PDE11A: variants seen among roughly 807,000 people sequenced by gnomAD.
PDE11A encodes dual 3',5'-cyclic-AMP and -GMP phosphodiesterase 11A.
A neutral mutation model predicts 100.5 loss-of-function variants in PDE11A; 100 were observed. The ratio of observed to expected loss-of-function variants is 1.00; its 90% CI spans 0.85 to 1.18. The LOEUF (loss-of-function observed/expected upper bound fraction) is 1.18. PDE11A is among the 50% of genes most tolerant of loss of function. The pLI is 0.00. For missense variants in PDE11A, 1,141 were observed against 1,152.6 expected (o/e 0.99, Z 0.15); for synonymous variants, 381 against 420.8 (o/e 0.91, Z 1.16).
intron 12 of PDE11A, among the ~76,000 whole-genome samples, chr2:177,725,945 G>A (rs924961753): frequency 6.6e-6 from 1 of 151,984 alleles, no homozygotes; most frequent in African/African-American, 2.4e-5. Context: ...TTGGCAATTC[G>A]CATAAATCCA....
At chr2:177,946,344 C>A (rs2085429469) in intron 2 of PDE11A, among the ~76,000 whole-genome samples, 2 of 138,624 alleles carry the variant, frequency 1.4e-5, no homozygotes, top group Admixed American at 6.9e-5. Flanking sequence ...GGTCAGCCCC[C>A]CTGCCCGGCC....
At position 177,680,839 on chromosome 2, in the gene PDE11A, G is replaced by T; in HGVS notation, c.2410C>A (p.Arg804Ser). 2 of 1,569,124 alleles carry T rather than the reference G, an allele frequency of 1.3e-6. No individual in the cohort carries two copies. Among genetic ancestry groups the T allele is most frequent in the Non-Finnish European group, 1.8e-6 (2 of 1,140,074 alleles). The change falls in exon 16 of 20, where the codon CGT (arginine) becomes AGT (serine). Residue 804 changes from arginine to serine, a missense_variant. Arg to Ser is a moderately radical substitution (Grantham distance 110, BLOSUM62 -1). Transcript: ENST00000286063. ...GEYDWNIKNH[R>S]DIFRSMLMTA... ...GCTTTTTCTTACCGAAATATATCAC[G>T]ATGGTTTTTGATGTTCCAATCGTAT...
intron 5 of PDE11A, among the ~76,000 whole-genome samples, chr2:177,873,916 G>T (rs1237522813): frequency 1.3e-5 from 2 of 152,064 alleles, no homozygotes. Flanking sequence ...CTTGAAATAG[G>T]TAATTACCCA....
intron 9 of PDE11A, among the ~76,000 whole-genome samples, chr2:177,783,411 GT>G (rs57140241): frequency 1.3e-4 from 19 of 151,956 alleles, no homozygotes; most frequent in African/African-American, 3.4e-4. Flanking sequence ...TTTTGAGGTG[GT>G]TTTTTTCCCC....
intron 1 of PDE11A, among the ~76,000 whole-genome samples, chr2:178,069,819 AG>A (rs2087101670): frequency 6.6e-6 from 1 of 152,212 alleles, no homozygotes; most frequent in South Asian, 2.1e-4. Context: ...TATGAAATAA[AG>A]GTTAGGGCCT....
At position 177,968,252 on chromosome 2, in the gene PDE11A, C is replaced by T. The variant is rs906066511; in HGVS notation, c.1071+46050G>A. On this transcript the variant is annotated intron_variant, in intron 2 of 19. Coordinates refer to ENST00000286063, the MANE Select transcript of PDE11A (RefSeq NM_016953.4). ...GATATTCTTTTTTCTCCTAATAAAT[C>T]AAGGTTTATCAACAGAAACATTTAT... Among the ~76,000 whole-genome samples the T allele has an allele frequency of 3.9e-5, 6 of 152,170 alleles. No individual in the cohort carries two copies. In the East Asian group the frequency reaches 5.8e-4, roughly 15 times the overall value.
intron 9 of PDE11A, among the ~76,000 whole-genome samples, chr2:177,804,712 T>TAC (rs34632698): frequency 6.2e-4 from 3 of 4,858 alleles, no homozygotes; most frequent in African/African-American, 8.7e-4. Flanking sequence ...AAGAAAATGT[T>TAC]ATATATATAT....
At chr2:177,722,161 G>A (rs1024934087) in intron 12 of PDE11A, among the ~76,000 whole-genome samples, 1 of 152,124 alleles carries the variant, frequency 6.6e-6, no homozygotes. Context: ...ATTGTAACTA[G>A]GCAGCCCCAG....
At chr2:177,816,404 C>T (rs997677375) in intron 9 of PDE11A, among the ~76,000 whole-genome samples, 1 of 151,956 alleles carries the variant, frequency 6.6e-6, no homozygotes, top group Non-Finnish European at 1.5e-5. Context: ...GAAAGGGAAT[C>T]GGATAATGAC....
In PDE11A at chr2:177,894,421, C is replaced by T. The variant is rs143806467; in HGVS notation, c.1302+3637G>A. ...TCACTTTTAACCTTTAGAGTTCATC[C>T]GTATGGTGTTACAGGAGCTCATTCT... On this transcript the variant is annotated intron_variant, in intron 4 of 19. Transcript: ENST00000286063. Among the ~76,000 whole-genome samples, 16 of 152,116 alleles carry T rather than the reference C, an allele frequency of 1.1e-4. No individual in the cohort carries two copies. The East Asian group carries it at 2.9e-3, about 28-fold the overall frequency.
intron 2 of PDE11A, among the ~76,000 whole-genome samples, chr2:177,970,780 G>T (rs1024309664): frequency 2.0e-5 from 3 of 152,148 alleles, no homozygotes; most frequent in African/African-American, 7.2e-5. Context: ...ACCACTTCAA[G>T]ATAAAAGAAG....
intron 10 of PDE11A, among the ~76,000 whole-genome samples, chr2:177,757,326 C>T (rs1306540588): frequency 6.6e-6 from 1 of 152,186 alleles, no homozygotes; most frequent in East Asian, 1.9e-4. Context: ...TCCAAACTGG[C>T]AGTGTAACAT....
chr2:177,625,080 C>T lies in PDE11A; in HGVS notation c.*4327G>A, dbSNP rs2079813452. The T allele has an allele frequency of 6.6e-6, 1 of 152,560 alleles. No individual in the cohort carries two copies. Among genetic ancestry groups the T allele is most frequent in the Non-Finnish European group, 1.5e-5 (1 of 68,034 alleles). The allele number at this position is 152,560 out of a possible 1,614,324, so 9.5% of individuals were successfully genotyped here. On this transcript the variant is annotated 3_prime_UTR_variant, in exon 20 of 20. Transcript: ENST00000286063. ...GCAAGACCCTGTCTCAAAAAAAGGACATATCTTTTTTTAAATTGTATTGAT... is the reference window on the plus strand; with the variant it reads ...GCAAGACCCTGTCTCAAAAAAAGGATATATCTTTTTTTAAATTGTATTGAT...
At chr2:178,045,043 C>A (rs980237489) in intron 1 of PDE11A, among the ~76,000 whole-genome samples, 1 of 152,190 alleles carries the variant, frequency 6.6e-6, no homozygotes, top group East Asian at 1.9e-4. Flanking sequence ...AGTGCCCTAC[C>A]TACAGGTCAC....
intron 4 of PDE11A, among the ~76,000 whole-genome samples, chr2:177,891,060 G>T (rs962820547): frequency 6.6e-6 from 1 of 152,270 alleles, no homozygotes; most frequent in South Asian, 2.1e-4. Flanking sequence ...AATGCAGTAA[G>T]TATCCTTATA....
At position 177,820,229 on chromosome 2, in the gene PDE11A, G is replaced by A; in HGVS notation, c.1567C>T (p.Gln523Ter). 2.6e-6 allele frequency: 4 copies of A among 1,532,406 alleles called. No homozygotes were observed. The highest frequency in any genetic ancestry group is 3.6e-6 in the Non-Finnish European group (4 of 1,106,096). 94.9% of individuals were successfully genotyped at this position (1,532,406 alleles called of 1,614,324 possible). Residue 523 changes from glutamine to a stop codon, truncating the protein, a stop_gained, in exon 7 of 20, where the codon CAA (glutamine) becomes TAA (stop). Transcript: ENST00000286063. LOFTEE classifies it high-confidence loss of function. ...LCVPIWNSNH[Q>*]IIGVAQVLNR... ...TTAGGTCATCTCTTACCAATTATTT[G>A]GTGGTTGCTATTCCAAATAGGGACA...
At chr2:177,643,100 G>A (rs111641144) in intron 19 of PDE11A, among the ~76,000 whole-genome samples, 91 of 152,296 alleles carry the variant, frequency 6.0e-4, no homozygotes, top group African/African-American at 2.1e-3. Context: ...TTTATCAGCA[G>A]TGTGAAAACG....
intron 2 of PDE11A, chr2:177,997,237 C>A: frequency 2.3e-6 from 3 of 1,290,182 alleles, no homozygotes; most frequent in Non-Finnish European, 3.4e-6. Flanking sequence ...TGTGCCCCAA[C>A]CTCGGCCCCC....
At chr2:177,905,228 C>G in intron 2 of PDE11A, 41 bp from the exon 3 acceptor site, 1 of 1,051,048 alleles carries the variant, frequency 9.5e-7, no homozygotes, top group Non-Finnish European at 1.5e-6. Flanking sequence ...AACATAAGAA[C>G]ATTGATACAT....
Sources: allele counts gnomAD v4.1 joint callset (sites outside exome capture counted in the v4.1 genomes callset), GRCh38; gene constraint gnomAD v4.1.1; transcripts MANE v1.5; gene names NCBI Gene and HGNC (gene_info 2026-07-23, HGNC 2026-07-21).